The following CTTNBP2 variants were observed in gnomAD, a reference collection of about 807,000 sequenced individuals.
The protein encoded by CTTNBP2 is cortactin-binding protein 2.
CTTNBP2 carries 108 observed loss-of-function variants against 156.9 expected under a neutral mutation model. That is an observed-to-expected ratio of 0.69 (90% CI 0.59 to 0.81). The LOEUF is 0.81. Among genes scored for constraint, CTTNBP2 ranks in the 30% least tolerant of loss-of-function variants. The pLI is 0.00. For synonymous variants in CTTNBP2, 767 were observed against 751.8 expected (o/e 1.02, Z -0.33); for missense variants, 1,924 against 2,035.4 (o/e 0.95, Z 1.05).
At chr7:117,759,251 G>A (rs1797058771) in intron 10 of CTTNBP2, among the ~76,000 whole-genome samples, 1 of 151,948 alleles carries the variant, frequency 6.6e-6, no homozygotes, top group Non-Finnish European at 1.5e-5. Flanking sequence ...GGGACTACAG[G>A]TGCATGTGAC....
At chr7:117,845,943 C>T (rs1425980609) in intron 2 of CTTNBP2, among the ~76,000 whole-genome samples, 12 of 152,046 alleles carry the variant, frequency 7.9e-5, no homozygotes, top group South Asian at 2.1e-4. Flanking sequence ...CTCCGCTTCC[C>T]GGGTTCAAGC....
intron 2 of CTTNBP2, among the ~76,000 whole-genome samples, chr7:117,831,003 T>C (rs559800638): frequency 4.0e-4 from 61 of 152,174 alleles, no homozygotes; most frequent in Non-Finnish European, 9.0e-4. Context: ...GTAAATGAAC[T>C]TCAGGGTTAA....
intron 12 of CTTNBP2, among the ~76,000 whole-genome samples, chr7:117,753,616 G>A (rs915743622): frequency 6.6e-6 from 1 of 152,144 alleles, no homozygotes. Flanking sequence ...CACATGAATG[G>A]AGCTGGAAGC....
chr7:117,836,562 C>CA (rs567802564), intron 2 of CTTNBP2, among the ~76,000 whole-genome samples: 51 of 151,698 alleles, frequency 3.4e-4, no homozygotes, highest in Middle Eastern at 3.4e-3. Flanking sequence ...GACTCTGTCT[C>CA]AAAAAAACAA....
At chr7:117,871,931 A>C (rs1444132177) in intron 1 of CTTNBP2, 4 of 982,826 alleles carry the variant, frequency 4.1e-6, no homozygotes, top group Non-Finnish European at 4.8e-6. Flanking sequence ...GAAGGCACCA[A>C]ATCATTTCCA....
chr7:117,716,108 T>G (rs1478775716), intron 22 of CTTNBP2: 1 of 151,782 alleles, frequency 6.6e-6, no homozygotes, highest in East Asian at 1.9e-4. Flanking sequence ...AATTCCCACA[T>G]CAAATTGCAC....
chr7:117,822,788 C>A (rs544139500), intron 2 of CTTNBP2, among the ~76,000 whole-genome samples: 1 of 152,176 alleles, frequency 6.6e-6, no homozygotes, highest in Admixed American at 6.5e-5. Context: ...AAATGCACCA[C>A]ATGCACTTAA....
chr7:117,732,567 G>A (rs1017258988), intron 16 of CTTNBP2, among the ~76,000 whole-genome samples: 1 of 149,906 alleles, frequency 6.7e-6, no homozygotes, highest in Non-Finnish European at 1.5e-5. Context: ...GGAGAATGGT[G>A]TGAACCCAGG....
At chr7:117,755,328 G>A (rs1033450397) in intron 12 of CTTNBP2, 9 of 275,350 alleles carry the variant, frequency 3.3e-5, no homozygotes, top group Admixed American at 1.1e-4. Context: ...TTCATAAGGC[G>A]TGAAAACAAA....
Position 117,733,602 on chromosome 7 carries a change from T to C in CTTNBP2, c.3876+1311A>G, listed in dbSNP as rs145859757. On this transcript the variant is annotated intron_variant, in intron 16 of 22. Transcript: ENST00000160373. ...CCATTCGTCCTTCTTGTTGAGATCA[T>C]ACAGTGGCTAGGCTTTGGCCAAAAG... Among the ~76,000 whole-genome samples, 1,332 of 152,324 alleles carry C rather than the reference T, an allele frequency of 8.7e-3. 6 individuals carry two copies. Among genetic ancestry groups the C allele is most frequent in the Non-Finnish European group, 0.013 (894 of 68,020 alleles).
rs1051819433 is a variant in CTTNBP2 at position 117,724,832 on chromosome 7, T to C, written c.4262-100A>G. On this transcript the variant is annotated intron_variant, in intron 18 of 22. Coordinates refer to ENST00000160373, the MANE Select transcript of CTTNBP2 (RefSeq NM_033427.3). ...GATACGGACTGTTCAAAATAATGCA[T>C]TTATTTAGTATCCAAGCTGGGGTTT... 5 of 1,359,378 alleles carry C rather than the reference T, an allele frequency of 3.7e-6. No homozygotes were observed. In the East Asian group the frequency reaches 1.2e-4, roughly 33 times the overall value. The allele number at this position is 1,359,378 out of a possible 1,614,324, so 84.2% of individuals were successfully genotyped here.
intron 2 of CTTNBP2, among the ~76,000 whole-genome samples, chr7:117,822,611 G>A (rs569306840): frequency 2.0e-5 from 3 of 152,200 alleles, no homozygotes; most frequent in East Asian, 3.9e-4. Flanking sequence ...ATCCCTTTTG[G>A]TTTTGTCTTG....
Position 117,861,142 on chromosome 7 carries a change from T to C in CTTNBP2, c.189+67A>G, listed in dbSNP as rs1207506911. Reference sequence around the variant, plus strand: ...GATTCAAAAATTAAGAAAAAGAAGGTTTGCCAATGGCTCTTTGAAAAAAGC... The same window carrying C: ...GATTCAAAAATTAAGAAAAAGAAGGCTTGCCAATGGCTCTTTGAAAAAAGC... On this transcript the variant is annotated intron_variant, in intron 2 of 22. Transcript: ENST00000160373. The C allele has an allele frequency of 1.8e-5, 16 of 894,466 alleles. No individual in the cohort carries two copies. The East Asian group carries it at 3.8e-4, about 22-fold the overall frequency. The allele number at this position is 894,466 out of a possible 1,614,324, so 55.4% of individuals were successfully genotyped here.
intron 9 of CTTNBP2, among the ~76,000 whole-genome samples, chr7:117,764,186 C>T (rs1426254789): frequency 6.6e-6 from 1 of 152,164 alleles, no homozygotes; most frequent in Non-Finnish European, 1.5e-5. Context: ...CTACATCTTA[C>T]TTCCTCACTT....
At chr7:117,810,207 A>G (rs545646767) in intron 3 of CTTNBP2, among the ~76,000 whole-genome samples, 2 of 152,334 alleles carry the variant, frequency 1.3e-5, no homozygotes, top group South Asian at 4.1e-4. Context: ...ATCACACCCC[A>G]GAGGTGAGTC....
intron 14 of CTTNBP2, among the ~76,000 whole-genome samples, chr7:117,740,025 C>CA (rs1795910560): frequency 6.6e-6 from 1 of 152,046 alleles, no homozygotes; most frequent in African/African-American, 2.4e-5. Context: ...CTTGCTAACC[C>CA]AAGTCCATAC....
chr7:117,844,223 T>A (rs561780186), intron 2 of CTTNBP2, among the ~76,000 whole-genome samples: 19 of 152,252 alleles, frequency 1.2e-4, no homozygotes, highest in African/African-American at 4.3e-4. Context: ...CCAGAAGAAA[T>A]GCAGCCTTGA....
At chr7:117,774,622 A>T (rs1450711038) in intron 8 of CTTNBP2, among the ~76,000 whole-genome samples, 2 of 73,444 alleles carry the variant, frequency 2.7e-5, no homozygotes, top group Admixed American at 1.3e-4. Context: ...ATTCCCACCC[A>T]CCCCACCCCC....
Position 117,759,410 on chromosome 7 carries a change from C to T in CTTNBP2, c.3172+1025G>A, listed in dbSNP as rs114820015. Among the ~76,000 whole-genome samples, 800 of 152,146 alleles carry T rather than the reference C, an allele frequency of 5.3e-3. 8 individuals are homozygous for T. Among genetic ancestry groups the T allele is most frequent in the African/African-American group, 0.018 (762 of 41,492 alleles). ...TATAGGTATAAGCCACCATGCACAG[C>T]CAATAATAGTAATTTTAATGATCAT... On this transcript the variant is annotated intron_variant, in intron 10 of 22. Coordinates refer to ENST00000160373, the MANE Select transcript of CTTNBP2 (RefSeq NM_033427.3).
Sources: allele counts gnomAD v4.1 joint callset (sites outside exome capture counted in the v4.1 genomes callset), GRCh38; gene constraint gnomAD v4.1.1; transcripts MANE v1.5; gene names NCBI Gene and HGNC (gene_info 2026-07-23, HGNC 2026-07-21).